TNFSF4: variants seen among roughly 807,000 people sequenced by gnomAD.
TNFSF4 encodes the protein tumor necrosis factor ligand superfamily member 4.
TNFSF4 carries 4 observed loss-of-function variants against 7.3 expected under a neutral mutation model. The observed-to-expected ratio is 0.55, with a 90% confidence interval of 0.27 to 1.25. The LOEUF is 1.25. Among genes scored for constraint, TNFSF4 ranks in the 50% most tolerant of loss-of-function variants. The pLI is 0.12. For missense variants in TNFSF4, 181 were observed against 208.8 expected, an observed-to-expected ratio of 0.87 and a Z score of 0.82; for synonymous variants, 76 against 83.7, an observed-to-expected ratio of 0.91 and a Z score of 0.50.
the TNFSF4 span, among the ~76,000 whole-genome samples, chr1:173,356,976 T>C: frequency 6.6e-6 from 1 of 152,190 alleles, no homozygotes; most frequent in African/African-American, 2.4e-5. Flanking sequence ...TGATTGATGA[T>C]AAGATAGCTG....
the TNFSF4 span, among the ~76,000 whole-genome samples, chr1:173,309,613 T>C: frequency 2.0e-5 from 3 of 151,888 alleles, no homozygotes; most frequent in Non-Finnish European, 2.9e-5. Flanking sequence ...CTATTGCACT[T>C]ATAGGAGATG....
the TNFSF4 span, among the ~76,000 whole-genome samples, chr1:173,405,108 T>C: frequency 2.0e-5 from 3 of 152,354 alleles, no homozygotes; most frequent in East Asian, 5.8e-4. Context: ...GGGCAGAGAT[T>C]TCTGTCTGTT....
chr1:173,264,662 T>C, the TNFSF4 span, among the ~76,000 whole-genome samples: 1 of 152,224 alleles, frequency 6.6e-6, no homozygotes, highest in East Asian at 1.9e-4. Context: ...TCTGACATTA[T>C]TCAATTTTAA....
At chr1:173,213,324 G>A in the TNFSF4 span, among the ~76,000 whole-genome samples, 1 of 151,738 alleles carries the variant, frequency 6.6e-6, no homozygotes. Flanking sequence ...TTGACCACTG[G>A]CAGTTATTTT....
chr1:173,221,592 G>A, the TNFSF4 span, among the ~76,000 whole-genome samples: 1 of 152,198 alleles, frequency 6.6e-6, no homozygotes, highest in Admixed American at 6.5e-5. Flanking sequence ...CTGTGTGGTG[G>A]TGCCATTGAC....
the TNFSF4 span, among the ~76,000 whole-genome samples, chr1:173,291,115 A>G: frequency 6.6e-6 from 1 of 152,218 alleles, no homozygotes; most frequent in Non-Finnish European, 1.5e-5. Flanking sequence ...AGGAAGCACA[A>G]TGGCATCTGC....
chr1:173,340,740 A>G, the TNFSF4 span, among the ~76,000 whole-genome samples: 22 of 151,914 alleles, frequency 1.4e-4, no homozygotes, highest in Admixed American at 1.4e-3. Context: ...TAGAATGGGA[A>G]TGAGGGGGAA....
the TNFSF4 span, among the ~76,000 whole-genome samples, chr1:173,272,314 G>T: frequency 6.6e-6 from 1 of 151,988 alleles, no homozygotes; most frequent in Non-Finnish European, 1.5e-5. Context: ...TGCATGCTGT[G>T]CACATGTACC....
the TNFSF4 span, among the ~76,000 whole-genome samples, chr1:173,311,634 C>CCA: frequency 2.0e-5 from 3 of 151,530 alleles, no homozygotes; most frequent in Non-Finnish European, 4.4e-5. Context: ...GTGTGGAAAA[C>CCA]CACACACTGG....
chr1:173,281,212 C>T, the TNFSF4 span, among the ~76,000 whole-genome samples: 1 of 148,482 alleles, frequency 6.7e-6, no homozygotes, highest in Non-Finnish European at 1.5e-5. Context: ...TGAAACAAAA[C>T]AAACAAAAAA....
chr1:173,384,118 A>C, the TNFSF4 span, among the ~76,000 whole-genome samples: 1 of 152,224 alleles, frequency 6.6e-6, no homozygotes, highest in Non-Finnish European at 1.5e-5. Flanking sequence ...TTTTCAGTAC[A>C]TTCATTCATT....
chr1:173,263,730 G>A, the TNFSF4 span, among the ~76,000 whole-genome samples: 1 of 152,208 alleles, frequency 6.6e-6, no homozygotes, highest in East Asian at 1.9e-4. Context: ...CAAAAATGGA[G>A]GCAAAAGGAT....
the TNFSF4 span, among the ~76,000 whole-genome samples, chr1:173,325,920 C>T: frequency 6.6e-6 from 1 of 152,156 alleles, no homozygotes; most frequent in East Asian, 1.9e-4. Flanking sequence ...GATTCACAGC[C>T]GAATTCTACC....
the TNFSF4 span, among the ~76,000 whole-genome samples, chr1:173,306,036 AT>A: frequency 2.2e-3 from 338 of 151,944 alleles, 2 homozygotes; most frequent in African/African-American, 7.0e-3. Context: ...AAATATGTTA[AT>A]CTACTCCAAC....
At chr1:173,347,692 G>A in the TNFSF4 span, among the ~76,000 whole-genome samples, 3 of 152,304 alleles carry the variant, frequency 2.0e-5, no homozygotes, top group Admixed American at 1.3e-4. Context: ...TTGAAAGAAC[G>A]AGGAACAAGT....
At chr1:173,244,667 C>CA in the TNFSF4 span, among the ~76,000 whole-genome samples, 1,374 of 134,762 alleles carry the variant, frequency 0.01, 21 homozygotes, top group African/African-American at 0.035. Context: ...ACAAAAAAAA[C>CA]AAAAAAAAAA....
chr1:173,421,001 AC>A, the TNFSF4 span, among the ~76,000 whole-genome samples: 3 of 152,184 alleles, frequency 2.0e-5, no homozygotes, highest in Non-Finnish European at 4.4e-5. Flanking sequence ...TACAGTCACT[AC>A]TTATAGTTAT....
At chr1:173,415,936 C>T in the TNFSF4 span, among the ~76,000 whole-genome samples, 21 of 152,116 alleles carry the variant, frequency 1.4e-4, no homozygotes, top group Admixed American at 1.0e-3. Context: ...CTGTGCAAAA[C>T]TGGTGCATGG....
chr1:173,379,424 C>T, the TNFSF4 span, among the ~76,000 whole-genome samples: 1 of 152,176 alleles, frequency 6.6e-6, no homozygotes, highest in South Asian at 2.1e-4. Context: ...TCCACCATAA[C>T]TCAGGGAAAG....
Sources: gnomAD v4.1 joint callset for allele counts (sites outside exome capture counted in the v4.1 genomes callset) on GRCh38, gnomAD v4.1.1 for gene constraint, MANE v1.5 for transcripts, NCBI Gene and HGNC (gene_info 2026-07-23, HGNC 2026-07-21) for gene names.